The following ROBO2 variants were observed in gnomAD, a reference collection of about 807,000 sequenced individuals.
The protein encoded by ROBO2 is roundabout guidance receptor 2, also known as roundabout homolog 2.
ROBO2 carries 53 observed loss-of-function variants against 160.8 expected under a neutral mutation model. The observed-to-expected ratio is 0.33, with a 90% CI of 0.26 to 0.41. The LOEUF is 0.41. Among genes scored for constraint, ROBO2 ranks in the 10% least tolerant of loss-of-function variants. The pLI is 1.00. For synonymous variants in ROBO2, 664 were observed against 611.7 expected (o/e 1.09, Z -1.26); for missense variants, 1,577 against 1,722.4 (o/e 0.92, Z 1.49).
At chr3:77,488,183 T>G (rs942313944) in intron 4 of ROBO2, among the ~76,000 whole-genome samples, 6 of 152,174 alleles carry the variant, frequency 3.9e-5, no homozygotes, top group Non-Finnish European at 8.8e-5. Flanking sequence ...GAGCCATACT[T>G]TACAGAAACA....
chr3:76,146,349 C>G (rs1169214647), intron 2 of ROBO2, among the ~76,000 whole-genome samples: 1 of 151,992 alleles, frequency 6.6e-6, no homozygotes, highest in South Asian at 2.1e-4. Context: ...AAAGCATTCT[C>G]TCAGGAAATT....
chr3:77,084,204 G>A (rs1041704640), intron 1 of ROBO2, among the ~76,000 whole-genome samples: 1 of 151,972 alleles, frequency 6.6e-6, no homozygotes, highest in Non-Finnish European at 1.5e-5. Flanking sequence ...TTCAACAGCA[G>A]TGAGCGCATC....
At chr3:76,256,802 G>A (rs1454007508) in intron 2 of ROBO2, among the ~76,000 whole-genome samples, 4 of 152,156 alleles carry the variant, frequency 2.6e-5, no homozygotes, top group Non-Finnish European at 5.9e-5. Flanking sequence ...GGTTCTGCAG[G>A]CTTCATAGGA....
At chr3:77,240,444 C>T (rs1044936743) in intron 2 of ROBO2, among the ~76,000 whole-genome samples, 11 of 152,286 alleles carry the variant, frequency 7.2e-5, no homozygotes, top group Non-Finnish European at 1.2e-4. Context: ...GCACACAGCC[C>T]GGGTTCCTGC....
intron 2 of ROBO2, among the ~76,000 whole-genome samples, chr3:76,834,039 C>CTTTCTTTCTTT (rs1559574511): frequency 5.9e-5 from 1 of 17,068 alleles, no homozygotes; most frequent in African/African-American, 1.4e-4. Flanking sequence ...TTCTTTCTTT[C>CTTTCTTTCTTT]CTTTCTTTCT....
intron 2 of ROBO2, among the ~76,000 whole-genome samples, chr3:76,294,184 G>A (rs1348256437): frequency 6.6e-6 from 1 of 152,154 alleles, no homozygotes; most frequent in Non-Finnish European, 1.5e-5. Flanking sequence ...CAGTTATTCC[G>A]AGCCTGCAGG....
intron 2 of ROBO2, among the ~76,000 whole-genome samples, chr3:76,628,110 T>C (rs1380415631): frequency 1.3e-5 from 2 of 152,234 alleles, no homozygotes; most frequent in Non-Finnish European, 2.9e-5. Context: ...GAATGGTTTC[T>C]AAGCTTTAAA....
intron 2 of ROBO2, among the ~76,000 whole-genome samples, chr3:76,030,995 G>A (rs144010655): frequency 3.3e-5 from 5 of 152,068 alleles, no homozygotes; most frequent in East Asian, 1.9e-4. Context: ...CTTCCTATTC[G>A]TGAGCATGGA....
At chr3:77,428,397 G>A (rs1292774623) in intron 2 of ROBO2, among the ~76,000 whole-genome samples, 2 of 135,498 alleles carry the variant, frequency 1.5e-5, no homozygotes, top group Non-Finnish European at 3.0e-5. Context: ...CACCCAGGCC[G>A]GACTGCGGAC....
At chr3:76,710,125 T>A (rs1472995130) in intron 2 of ROBO2, among the ~76,000 whole-genome samples, 2 of 124,780 alleles carry the variant, frequency 1.6e-5, no homozygotes, top group Non-Finnish European at 3.8e-5. Flanking sequence ...CTTTTTCTTT[T>A]CTTTTTTTTT....
chr3:77,153,481 C>A (rs2077710906), intron 2 of ROBO2, among the ~76,000 whole-genome samples: 1 of 151,996 alleles, frequency 6.6e-6, no homozygotes, highest in Non-Finnish European at 1.5e-5. Flanking sequence ...CAAAATGAGC[C>A]TTTAGAAGTG....
chr3:77,296,208 T>C (rs1256982205), intron 2 of ROBO2, among the ~76,000 whole-genome samples: 1 of 151,154 alleles, frequency 6.6e-6, no homozygotes, highest in Non-Finnish European at 1.5e-5. Flanking sequence ...AAATTGATGG[T>C]TAAACGGGAA....
chr3:77,360,164 A>C (rs556644960), intron 2 of ROBO2, among the ~76,000 whole-genome samples: 2 of 152,134 alleles, frequency 1.3e-5, no homozygotes, highest in East Asian at 3.9e-4. Flanking sequence ...CAGTCACCAC[A>C]TGCAGGAAGC....
At chr3:77,571,705 A>G (rs1355635172) in intron 13 of ROBO2, among the ~76,000 whole-genome samples, 1 of 152,034 alleles carries the variant, frequency 6.6e-6, no homozygotes, top group African/African-American at 2.4e-5. Context: ...TCAACTCTAA[A>G]AGAAAATCCT....
intron 2 of ROBO2, among the ~76,000 whole-genome samples, chr3:76,992,527 T>C (rs1036404542): frequency 6.6e-6 from 1 of 151,822 alleles, no homozygotes; most frequent in Admixed American, 6.6e-5. Flanking sequence ...TCGCACATTC[T>C]GAGTTCTCAC....
chr3:76,424,164 G>A (rs9821364), intron 2 of ROBO2, among the ~76,000 whole-genome samples: 106,804 of 152,084 alleles, frequency 0.7, 38,112 homozygotes, highest in African/African-American at 0.84. Flanking sequence ...AATAGAAGTC[G>A]TGAAAATTTT....
chr3:77,239,143 C>T (rs1451835961), intron 2 of ROBO2, among the ~76,000 whole-genome samples: 1 of 152,188 alleles, frequency 6.6e-6, no homozygotes, highest in Non-Finnish European at 1.5e-5. Context: ...CGGACCCTCA[C>T]GGTGAGTGTT....
chr3:76,808,595 T>A (rs2064923075), intron 2 of ROBO2, among the ~76,000 whole-genome samples: 1 of 152,116 alleles, frequency 6.6e-6, no homozygotes, highest in South Asian at 2.1e-4. Context: ...ATTACTGGGC[T>A]TAACAGAATT....
intron 2 of ROBO2, among the ~76,000 whole-genome samples, chr3:77,150,580 G>A (rs1178166972): frequency 6.6e-6 from 1 of 152,100 alleles, no homozygotes; most frequent in African/African-American, 2.4e-5. Context: ...GCCCAGGAAA[G>A]TCAGGTAAAC....
Sources: gnomAD v4.1 joint callset for allele counts (sites outside exome capture counted in the v4.1 genomes callset) on GRCh38, gnomAD v4.1.1 for gene constraint, MANE v1.5 for transcripts, NCBI Gene and HGNC (gene_info 2026-07-23, HGNC 2026-07-21) for gene names.